Variants in PTER observed in about 807,000 individuals in gnomAD.
PTER encodes N-acetyltaurine hydrolase.
A neutral mutation model predicts 29.6 loss-of-function variants in PTER; 38 were observed. The observed-to-expected ratio is 1.28, with a 90% CI of 0.99 to 1.68. The LOEUF is 1.68. PTER is among the 40% of genes most tolerant of loss of function. PTER has a pLI of 0.00. For synonymous variants in PTER, 172 were observed against 154.5 expected, an observed-to-expected ratio of 1.11 and a Z score of -0.84; for missense variants, 482 against 427.8, an observed-to-expected ratio of 1.13 and a Z score of -1.12.
chr10:16,446,231 T>C lies in PTER; in HGVS notation c.-49+9184T>C, dbSNP rs528058007. On this transcript the variant is annotated intron_variant, in intron 1 of 4. Transcript: ENST00000535784. Reference sequence around the variant, plus strand: ...ACCCCACCCCCAACATTTTTTTTTTTTTTTGAGATAGAGTTGGTCTGTCGC... The same window carrying C: ...ACCCCACCCCCAACATTTTTTTTTTCTTTTGAGATAGAGTTGGTCTGTCGC... 3.9e-5 allele frequency among the ~76,000 whole-genome samples: 6 copies of C among 151,964 alleles called. No homozygotes were observed. The South Asian group carries it at 1.3e-3, about 32-fold the overall frequency.
chr10:16,489,864 G>A (rs541675586), intron 3 of PTER, among the ~76,000 whole-genome samples: 1 of 152,236 alleles, frequency 6.6e-6, no homozygotes, highest in East Asian at 1.9e-4. Context: ...GACCCACACA[G>A]GTGCTATGAG....
At position 16,505,117 on chromosome 10, in the gene PTER, G is replaced by T. The variant is rs766775309; in HGVS notation, c.796G>T (p.Gly266Cys). ...TACTGAACTACTTCATTACCAACTC[G>T]GCCCAGATATTGACATGCCTGATGA... ...FGTELLHYQL[G>C]PDIDMPDDNK... Residue 266 changes from glycine (G) to cysteine (C), a missense_variant, in exon 4 of 5, where the codon GGC (glycine) becomes TGC (cysteine). Physicochemically the swap from Gly to Cys is radical, Grantham distance 159. Transcript: ENST00000535784. The T allele has an allele frequency of 5.0e-6, 8 of 1,613,758 alleles. No individual in the cohort carries two copies. The East Asian group carries it at 1.8e-4, about 36-fold the overall frequency.
At chr10:16,480,562 CAG>C (rs1564398674) in intron 1 of PTER, among the ~76,000 whole-genome samples, 1 of 152,044 alleles carries the variant, frequency 6.6e-6, no homozygotes, top group African/African-American at 2.4e-5. Flanking sequence ...CTGGGTATAA[CAG>C]AGTCCGGGGT....
chr10:16,479,543 A>AAGTGCAGTGTTTTT (rs1835401066), intron 1 of PTER, among the ~76,000 whole-genome samples: 2 of 152,162 alleles, frequency 1.3e-5, no homozygotes, highest in Non-Finnish European at 2.9e-5. Context: ...TGTCAGTGTT[A>AAGTGCAGTGTTTTT]AGTGCAGTGT....
At chr10:16,501,974 A>T (rs183182328) in intron 3 of PTER, among the ~76,000 whole-genome samples, 2 of 152,350 alleles carry the variant, frequency 1.3e-5, no homozygotes, top group East Asian at 3.9e-4. Context: ...GATGATAATG[A>T]TGCTAAGTGA....
chr10:16,452,354 TG>T (rs1331509798), intron 1 of PTER, among the ~76,000 whole-genome samples: 1 of 151,402 alleles, frequency 6.6e-6, no homozygotes, highest in Non-Finnish European at 1.5e-5. Context: ...TGGAGTGCAG[TG>T]GCATGATCTC....
intron 1 of PTER, among the ~76,000 whole-genome samples, chr10:16,473,434 C>T (rs1221219597): frequency 1.4e-5 from 2 of 145,062 alleles, no homozygotes; most frequent in African/African-American, 5.1e-5. Flanking sequence ...GTTCTCCTAG[C>T]GCTTGAACCC....
At chr10:16,473,461 A>C (rs1835129325) in intron 1 of PTER, among the ~76,000 whole-genome samples, 1 of 133,796 alleles carries the variant, frequency 7.5e-6, no homozygotes, top group South Asian at 2.6e-4. Flanking sequence ...CGGAGGTTGC[A>C]GTGAGCCGAA....
intron 1 of PTER, among the ~76,000 whole-genome samples, chr10:16,482,112 T>C (rs908764639): frequency 7.2e-5 from 11 of 152,350 alleles, no homozygotes; most frequent in Admixed American, 4.6e-4. Context: ...AGAAAGGCAC[T>C]ATCAAACAAA....
intron 1 of PTER, among the ~76,000 whole-genome samples, chr10:16,451,150 G>A (rs1465550498): frequency 6.6e-6 from 1 of 152,082 alleles, no homozygotes; most frequent in East Asian, 1.9e-4. Flanking sequence ...AGGGTAGAAA[G>A]CCTCCAGCAT....
At chr10:16,501,492 C>T (rs1365113886) in intron 3 of PTER, among the ~76,000 whole-genome samples, 2 of 152,204 alleles carry the variant, frequency 1.3e-5, no homozygotes, top group African/African-American at 2.4e-5. Flanking sequence ...TTTAATCCTG[C>T]TTACTATATA....
chr10:16,517,915 C>G (rs1836978905), downstream of PTER, among the ~76,000 whole-genome samples: 7 of 152,158 alleles, frequency 4.6e-5, no homozygotes, highest in Admixed American at 3.9e-4. Context: ...CATCTGTGAT[C>G]TTACATTCTA....
chr10:16,498,413 ATC>A (rs1381860437), intron 3 of PTER, among the ~76,000 whole-genome samples: 2 of 152,026 alleles, frequency 1.3e-5, no homozygotes, highest in Non-Finnish European at 2.9e-5. Context: ...GCGAAACCCT[ATC>A]TCTACTAAAA....
At chr10:16,451,932 T>G (rs1287571347) in intron 1 of PTER, among the ~76,000 whole-genome samples, 2 of 152,162 alleles carry the variant, frequency 1.3e-5, no homozygotes, top group African/African-American at 4.8e-5. Flanking sequence ...CTTGTGAAAC[T>G]TGATTTATGC....
chr10:16,484,740 T>C lies in PTER; in HGVS notation c.356T>C (p.Val119Ala). 6.2e-7 allele frequency: 1 copy of C among 1,613,982 alleles called. No individual in the cohort carries two copies. Reference sequence around the variant, plus strand: ...AAGAGGCTTGCAGAAGAGACTGGCGTCCATATCATATCTGGAGCCGGGTTT... The same window carrying C: ...AAGAGGCTTGCAGAAGAGACTGGCGCCCATATCATATCTGGAGCCGGGTTT... The part of the protein sequence containing the change: ...TLKRLAEETG[V>A]HIISGAGFYV... The change falls in exon 2 of 5, where the codon GTC becomes GCC. Residue 119 changes from valine to alanine, a missense_variant. Coordinates refer to ENST00000535784, the MANE Select transcript of PTER (RefSeq NM_001261836.2).
intron 1 of PTER, among the ~76,000 whole-genome samples, chr10:16,439,289 T>A (rs550558203): frequency 6.6e-6 from 1 of 152,078 alleles, no homozygotes; most frequent in Non-Finnish European, 1.5e-5. Context: ...TGGGCAAATT[T>A]CCCCTTCCCT....
chr10:16,511,148 T>C lies in PTER; in HGVS notation c.942T>C (p.Ser314=). The C allele has an allele frequency of 6.2e-7, 1 of 1,614,156 alleles. No individual in the cohort carries two copies. The highest frequency in any genetic ancestry group is 8.5e-7 in the Non-Finnish European group (1 of 1,179,992). The change falls in exon 5 of 5, where the codon TCT becomes TCC. Residue 314 remains serine (S), a synonymous_variant. Coordinates refer to ENST00000535784, the MANE Select transcript of PTER (RefSeq NM_001261836.2). Reference sequence around the variant, plus strand: ...TGAAATATGGAGGTCACGGCTATTCTCATATACTCACCAATGTTGTTCCTA... The same window carrying C: ...TGAAATATGGAGGTCACGGCTATTCCCATATACTCACCAATGTTGTTCCTA... ...RLMKYGGHGY[S]HILTNVVPKM...
intron 3 of PTER, among the ~76,000 whole-genome samples, chr10:16,489,295 A>G (rs1835812030): frequency 6.6e-6 from 1 of 152,138 alleles, no homozygotes; most frequent in Non-Finnish European, 1.5e-5. Context: ...TGCTTGGTTA[A>G]TTTTGATCAT....
chr10:16,473,574 G>A (rs7098052), intron 1 of PTER, among the ~76,000 whole-genome samples: 69,789 of 143,032 alleles, frequency 0.49, 18,452 homozygotes, highest in African/African-American at 0.73. Flanking sequence ...AAGCATTCCT[G>A]TGTCCTTAAT....
Sources: gnomAD v4.1 joint callset for allele counts (sites outside exome capture counted in the v4.1 genomes callset) on GRCh38, gnomAD v4.1.1 for gene constraint, MANE v1.5 for transcripts, NCBI Gene and HGNC (gene_info 2026-07-23, HGNC 2026-07-21) for gene names.